The following TUSC3 variants were observed in gnomAD, a reference collection of about 807,000 sequenced individuals.
TUSC3 encodes the protein dolichyl-diphosphooligosaccharide--protein glycosyltransferase subunit TUSC3.
TUSC3 carries 45 observed loss-of-function variants against 44.8 expected under a neutral mutation model. That is an observed-to-expected ratio of 1.00 (90% CI 0.79 to 1.29). The LOEUF (loss-of-function observed/expected upper bound fraction) is 1.29, where lower values mean the gene tolerates loss of function less well. Among genes scored for constraint, TUSC3 ranks in the 50% most tolerant of loss-of-function variants. TUSC3 has a pLI of 0.00. For synonymous variants in TUSC3, 212 were observed against 152.9 expected, an observed-to-expected ratio of 1.39 and a Z score of -2.85; for missense variants, 519 against 437.9, an observed-to-expected ratio of 1.19 and a Z score of -1.65.
At chr8:15,673,936 G>C (rs878930797) in intron 6 of TUSC3, 100 bp downstream of exon 6, 21 of 1,028,940 alleles carry the variant, frequency 2.0e-5, no homozygotes, top group East Asian at 2.0e-4. Context: ...GATTCTGTTT[G>C]TCAGTCAAAA....
chr8:15,677,899 T>A (rs59105885), intron 6 of TUSC3, among the ~76,000 whole-genome samples: 11,179 of 152,214 alleles, frequency 0.073, 549 homozygotes, highest in East Asian at 0.19. Flanking sequence ...ATAAGCACTT[T>A]TAAAAGTTGA....
intron 7 of TUSC3, among the ~76,000 whole-genome samples, chr8:15,742,689 TGAG>T (rs1400370703): frequency 6.6e-6 from 1 of 152,176 alleles, no homozygotes; most frequent in Admixed American, 6.5e-5. Flanking sequence ...TTAAGCAAAT[TGAG>T]GAGGTTCTGG....
the TUSC3 span, among the ~76,000 whole-genome samples, chr8:15,797,914 T>A: frequency 0.012 from 1,767 of 152,316 alleles, 26 homozygotes; most frequent in African/African-American, 0.036. Context: ...TAGGTTTTTT[T>A]TTCCACCGAC....
chr8:15,664,562 G>T (rs1469989068), intron 5 of TUSC3, among the ~76,000 whole-genome samples: 1 of 149,312 alleles, frequency 6.7e-6, no homozygotes, highest in Non-Finnish European at 1.5e-5. Context: ...TGGCAGGTAT[G>T]CCTGCTCCCC....
rs191531703 is a variant in TUSC3, at chr8:15,508,874, A to G, written n.189+25391A>G. ...TCACTCTGTCAACAGCTTGTAATAT[A>G]TTACCTTAATTCTTCCATGTAGGGT... On this transcript the variant is annotated intron_variant and non_coding_transcript_variant, in intron 2 of 5. Coordinates refer to the TUSC3 transcript ENST00000503191. 1.1e-4 allele frequency among the ~76,000 whole-genome samples: 17 copies of G among 152,332 alleles called. No homozygotes were observed. In the East Asian group the frequency reaches 3.1e-3, roughly 28 times the overall value.
intron 6 of TUSC3, among the ~76,000 whole-genome samples, chr8:15,724,056 G>A (rs1810406654): frequency 6.6e-6 from 1 of 151,992 alleles, no homozygotes; most frequent in Non-Finnish European, 1.5e-5. Context: ...ATGAGAGAAG[G>A]TCCCTAATCT....
intron 1 of TUSC3, among the ~76,000 whole-genome samples, chr8:15,610,480 C>T (rs1249926204): frequency 6.6e-6 from 1 of 152,066 alleles, no homozygotes; most frequent in Non-Finnish European, 1.5e-5. Flanking sequence ...TAAGGAAATA[C>T]TAGCAAACTT....
the TUSC3 span, among the ~76,000 whole-genome samples, chr8:15,802,171 T>C: frequency 6.6e-6 from 1 of 152,178 alleles, no homozygotes; most frequent in Admixed American, 6.5e-5. Flanking sequence ...AGATGATTCA[T>C]TAAACATATT....
At chr8:15,747,792 G>A (rs1411751093) in intron 8 of TUSC3, among the ~76,000 whole-genome samples, 1 of 152,018 alleles carries the variant, frequency 6.6e-6, no homozygotes, top group African/African-American at 2.4e-5. Flanking sequence ...ACTACTACCT[G>A]CCATGGAGGG....
intron 1 of TUSC3, among the ~76,000 whole-genome samples, chr8:15,563,746 C>T (rs980855090): frequency 1.3e-5 from 2 of 148,860 alleles, no homozygotes; most frequent in African/African-American, 5.0e-5. Context: ...AAACCATCCT[C>T]AGAGTAGTTT....
At chr8:15,551,435 G>A (rs1400670463) in intron 1 of TUSC3, among the ~76,000 whole-genome samples, 2 of 151,670 alleles carry the variant, frequency 1.3e-5, no homozygotes, top group Admixed American at 1.3e-4. Context: ...CCTAAATAAC[G>A]TTAATTTTCA....
chr8:15,724,189 A>G (rs1810412215), intron 6 of TUSC3, among the ~76,000 whole-genome samples: 1 of 152,098 alleles, frequency 6.6e-6, no homozygotes, highest in South Asian at 2.1e-4. Flanking sequence ...GCCCAAGGGG[A>G]TCCCTCACCA....
intron 4 of TUSC3, among the ~76,000 whole-genome samples, chr8:15,661,494 G>A (rs1041628181): frequency 6.6e-6 from 1 of 151,906 alleles, no homozygotes; most frequent in African/African-American, 2.4e-5. Flanking sequence ...GCATCCTTGA[G>A]TATAATATTA....
chr8:15,738,072 T>C (rs1811011171), intron 7 of TUSC3, among the ~76,000 whole-genome samples: 1 of 152,168 alleles, frequency 6.6e-6, no homozygotes, highest in African/African-American at 2.4e-5. Context: ...TTCATATGTC[T>C]TAATTACACC....
intron 7 of TUSC3, among the ~76,000 whole-genome samples, chr8:15,731,203 C>G (rs1810708318): frequency 6.6e-6 from 1 of 151,940 alleles, no homozygotes; most frequent in African/African-American, 2.4e-5. Context: ...TGTTGTGAAT[C>G]AGATCATACA....
upstream of TUSC3, among the ~76,000 whole-genome samples, chr8:15,539,355 T>C (rs1354489402): frequency 2.3e-5 from 3 of 131,356 alleles, no homozygotes; most frequent in Non-Finnish European, 4.9e-5. Context: ...CTTTTTTTTT[T>C]TTTTTTTTTT....
At chr8:15,607,985 G>A (rs779678128) in intron 1 of TUSC3, among the ~76,000 whole-genome samples, 5 of 152,194 alleles carry the variant, frequency 3.3e-5, no homozygotes, top group Non-Finnish European at 4.4e-5. Flanking sequence ...TAAGCATGCA[G>A]TGATACAGCA....
At chr8:15,628,206 A>G (rs1470750607) in intron 2 of TUSC3, among the ~76,000 whole-genome samples, 2 of 152,186 alleles carry the variant, frequency 1.3e-5, no homozygotes, top group African/African-American at 4.8e-5. Flanking sequence ...GAAATATTTA[A>G]TCATTATATT....
Position 15,471,838 on chromosome 8 carries a change from G to C in TUSC3, n.92-11548G>C, listed in dbSNP as rs1029990524. Among the ~76,000 whole-genome samples, 7 of 152,016 alleles carry C rather than the reference G, an allele frequency of 4.6e-5. No homozygotes were observed. The South Asian group carries it at 1.2e-3, about 27-fold the overall frequency. On this transcript the variant is annotated intron_variant and non_coding_transcript_variant, in intron 1 of 5. Coordinates refer to the TUSC3 transcript ENST00000503191. ...TTGCCACGTTGGCCAGGCTGGTCTC[G>C]AACTCCTGACCTCAGGTGATCCACC... is the stretch of plus-strand genomic sequence containing the variant.
Sources: allele counts gnomAD v4.1 joint callset (sites outside exome capture counted in the v4.1 genomes callset), GRCh38; gene constraint gnomAD v4.1.1; transcripts MANE v1.5; gene names NCBI Gene and HGNC (gene_info 2026-07-23, HGNC 2026-07-21).